KIF14: variants seen among roughly 807,000 people sequenced by gnomAD.
The protein encoded by KIF14 is kinesin family member 14.
Under a neutral mutation model 176.2 loss-of-function variants are expected in KIF14, and 98 were observed. The observed-to-expected ratio is 0.56, with a 90% CI of 0.47 to 0.66. The LOEUF (loss-of-function observed/expected upper bound fraction) is 0.66, where lower values mean the gene tolerates loss of function less well. Among genes scored for constraint, KIF14 ranks in the 30% least tolerant of loss-of-function variants. The pLI is 0.00. For missense variants in KIF14, 1,751 were observed against 1,920.4 expected (o/e 0.91, Z 1.65); for synonymous variants, 566 against 632.2 (o/e 0.90, Z 1.57).
At chr1:200,579,010 G>T (rs1420150677) in intron 21 of KIF14, among the ~76,000 whole-genome samples, 2 of 152,146 alleles carry the variant, frequency 1.3e-5, no homozygotes, top group Non-Finnish European at 2.9e-5. Flanking sequence ...AGAATGGCGT[G>T]AACTCAGGAG....
intron 4 of KIF14, among the ~76,000 whole-genome samples, chr1:200,612,377 A>G (rs1333881128): frequency 1.3e-5 from 2 of 152,192 alleles, no homozygotes; most frequent in African/African-American, 4.8e-5. Context: ...TGAGCCTCCT[A>G]GTCCTTTGAA....
intron 4 of KIF14, 93 bp from the exon 5 acceptor site, chr1:200,609,021 A>G (rs1367498807): frequency 2.0e-5 from 12 of 612,382 alleles, no homozygotes; most frequent in Non-Finnish European, 3.4e-5. Context: ...ATATAAATAT[A>G]TAAAAATATC....
chr1:200,595,675 G>A (rs1287658719), intron 14 of KIF14, among the ~76,000 whole-genome samples: 3 of 152,126 alleles, frequency 2.0e-5, no homozygotes, highest in Non-Finnish European at 2.9e-5. Flanking sequence ...ATGGCCAGGT[G>A]CAGTGGCTCA....
chr1:200,564,936 G>A (rs1478456360), intron 25 of KIF14, 133 bp downstream of exon 25: 4 of 658,644 alleles, frequency 6.1e-6, no homozygotes, highest in Middle Eastern at 4.2e-4. Flanking sequence ...GACAACCACA[G>A]TCTCAGAACT....
At chr1:200,604,075 CTT>C in intron 8 of KIF14, 120 bp from the exon 9 acceptor site, 1 of 609,810 alleles carries the variant, frequency 1.6e-6, no homozygotes, top group Non-Finnish European at 2.9e-6. Flanking sequence ...ATAGTCTCTT[CTT>C]TTTTTTTGAG....
At chr1:200,555,327 A>T in intron 28 of KIF14, 53 bp downstream of exon 28, 1 of 1,133,650 alleles carries the variant, frequency 8.8e-7, no homozygotes, top group Non-Finnish European at 1.3e-6. Flanking sequence ...ATTTGAACCA[A>T]GTGAAATGAT....
At chr1:200,571,717 G>C (rs1010349805) in intron 22 of KIF14, among the ~76,000 whole-genome samples, 20 of 152,070 alleles carry the variant, frequency 1.3e-4, no homozygotes, top group African/African-American at 4.8e-4. Flanking sequence ...CACAGAAATA[G>C]GACTGATAAA....
chr1:200,577,267 T>C (rs1658172599), intron 21 of KIF14, among the ~76,000 whole-genome samples: 1 of 152,054 alleles, frequency 6.6e-6, no homozygotes, highest in South Asian at 2.1e-4. Flanking sequence ...AAGGTTGCAG[T>C]GAGCCAAGAT....
At chr1:200,578,572 C>CT (rs967616553) in intron 21 of KIF14, among the ~76,000 whole-genome samples, 69 of 143,644 alleles carry the variant, frequency 4.8e-4, no homozygotes, top group African/African-American at 6.3e-4. Context: ...AAGATGTGAA[C>CT]TTTTTTTTTT....
intron 4 of KIF14, among the ~76,000 whole-genome samples, chr1:200,609,160 T>C (rs960030438): frequency 6.6e-6 from 1 of 152,064 alleles, no homozygotes; most frequent in African/African-American, 2.4e-5. Flanking sequence ...ACATCATTTC[T>C]CAGTAGGGAA....
rs1028830614 is a variant in KIF14 at position 200,552,427 on chromosome 1, G to A, written c.*961C>T. 1 of 151,890 alleles carries A rather than the reference G, an allele frequency of 6.6e-6. No individual in the cohort carries two copies. Among genetic ancestry groups the A allele is most frequent in the Non-Finnish European group, 1.5e-5 (1 of 67,972 alleles). The allele number at this position is 151,890 out of a possible 1,614,324, so 9.4% of individuals were successfully genotyped here. A position where few individuals can be genotyped will look rare whatever the true frequency, so the allele number is the denominator to read the frequency against. Reference sequence around the variant, plus strand: ...TTTCATTATACCTTTAACAAAACAAGCATTATCAAGAGAAGGTCCAGCCTC... The same window carrying A: ...TTTCATTATACCTTTAACAAAACAAACATTATCAAGAGAAGGTCCAGCCTC... On this transcript the variant is annotated 3_prime_UTR_variant, in exon 30 of 30. Transcript: ENST00000367350.
intron 19 of KIF14, among the ~76,000 whole-genome samples, chr1:200,583,220 GTT>G: frequency 6.6e-6 from 1 of 150,738 alleles, no homozygotes; most frequent in South Asian, 2.1e-4. Context: ...AACAAATCAA[GTT>G]TTTTTTTTAA....
intron 21 of KIF14, among the ~76,000 whole-genome samples, chr1:200,577,991 G>A (rs1658226335): frequency 6.7e-6 from 1 of 150,338 alleles, no homozygotes; most frequent in East Asian, 1.9e-4. Context: ...GTTGATGAAC[G>A]TTTCAAATTA....
Position 200,590,250 on chromosome 1 carries a change from C to G in KIF14, c.2836G>C (p.Ala946Pro). 1 of 1,613,250 alleles carries G rather than the reference C, an allele frequency of 6.2e-7. No individual in the cohort carries two copies. The highest frequency in any genetic ancestry group is 8.5e-7 in the Non-Finnish European group (1 of 1,179,786). The change falls in exon 17 of 30, where the codon GCT (alanine) becomes CCT (proline). Residue 946 changes from alanine (A) to proline (P), a missense_variant. By Grantham distance (27) the Ala-to-Pro change is conservative (BLOSUM62 -1). Coordinates refer to ENST00000367350, the MANE Select transcript of KIF14 (RefSeq NM_014875.3). ...RSQLEAEIKE[A>P]QLKAKEEMMQ... The stretch of plus-strand genomic sequence containing the variant: ...ATTTCTTCCTTTGCCTTCAACTGAG[C>G]CTCTTTTATTTCTGCTTCAAGTCTA...
At chr1:200,607,553 T>C (rs1477347142) in intron 5 of KIF14, among the ~76,000 whole-genome samples, 1 of 152,176 alleles carries the variant, frequency 6.6e-6, no homozygotes, top group Non-Finnish European at 1.5e-5. Context: ...CATTAAAATT[T>C]TTCTTTATTG....
chr1:200,619,845 A>G (rs1558099723), intron 1 of KIF14, among the ~76,000 whole-genome samples: 1 of 152,254 alleles, frequency 6.6e-6, no homozygotes, highest in East Asian at 1.9e-4. Flanking sequence ...ACAGAGGTGT[A>G]TGTAAATATA....
intron 27 of KIF14, among the ~76,000 whole-genome samples, chr1:200,558,571 AG>A (rs1656960597): frequency 6.6e-6 from 1 of 152,228 alleles, no homozygotes; most frequent in Non-Finnish European, 1.5e-5. Flanking sequence ...TGATATTCAT[AG>A]GGCTTTTTCT....
At chr1:200,614,647 G>A (rs1488328898) in intron 3 of KIF14, among the ~76,000 whole-genome samples, 2 of 151,936 alleles carry the variant, frequency 1.3e-5, no homozygotes, top group Non-Finnish European at 2.9e-5. Context: ...TCAGAGAATT[G>A]TTGTGAAAGA....
intron 23 of KIF14, among the ~76,000 whole-genome samples, chr1:200,566,158 A>G (rs1657435420): frequency 6.6e-6 from 1 of 152,218 alleles, no homozygotes; most frequent in East Asian, 1.9e-4. Context: ...AACCGCATCA[A>G]TCCATAGATT....
Sources: gnomAD v4.1 joint callset for allele counts (sites outside exome capture counted in the v4.1 genomes callset) on GRCh38, gnomAD v4.1.1 for gene constraint, MANE v1.5 for transcripts, NCBI Gene and HGNC (gene_info 2026-07-23, HGNC 2026-07-21) for gene names.